Variants in TIMP2 observed in about 807,000 individuals in gnomAD.
TIMP2 encodes metalloproteinase inhibitor 2.
A neutral mutation model predicts 24.3 loss-of-function variants in TIMP2; 5 were observed. The ratio of observed to expected loss-of-function variants is 0.21; its 90% CI spans 0.11 to 0.43. The LOEUF is 0.43. TIMP2 is among the 20% of genes least tolerant of loss of function. TIMP2 has a pLI of 1.00. For missense variants in TIMP2, 221 were observed against 297.5 expected (o/e 0.74, Z 1.89); for synonymous variants, 130 against 123.2 (o/e 1.06, Z -0.37).
At chr17:78,872,354 T>G (rs1170942437) in intron 2 of TIMP2, among the ~76,000 whole-genome samples, 9 of 152,116 alleles carry the variant, frequency 5.9e-5, no homozygotes, top group Non-Finnish European at 5.9e-5. Context: ...GAGAGGCACC[T>G]CAGGAATTAG....
At chr17:78,918,065 A>ACACACACGCGC (rs1555652947) in intron 1 of TIMP2, among the ~76,000 whole-genome samples, 48,400 of 144,848 alleles carry the variant, frequency 0.33, 8,218 homozygotes, top group Middle Eastern at 0.4. Flanking sequence ...TGCACACACA[A>ACACACACGCGC]ACACACACAC....
chr17:78,883,617 G>A (rs550163344), intron 1 of TIMP2, among the ~76,000 whole-genome samples: 3 of 151,004 alleles, frequency 2.0e-5, no homozygotes, highest in Non-Finnish European at 4.4e-5. Context: ...TGCCGCCCCA[G>A]GGAATGCTCC....
intron 1 of TIMP2, chr17:78,890,895 C>T (rs1386527943): frequency 6.4e-7 from 1 of 1,550,680 alleles, no homozygotes; most frequent in South Asian, 1.2e-5. Flanking sequence ...TTTTCTAGCT[C>T]AGCTTTGTAG....
At chr17:78,870,514 C>G (rs1474363485) in intron 3 of TIMP2, among the ~76,000 whole-genome samples, 2 of 151,888 alleles carry the variant, frequency 1.3e-5, no homozygotes, top group African/African-American at 4.8e-5. Context: ...AAAAAGGAGA[C>G]AGATGAATGA....
At chr17:78,914,701 G>A (rs557709166) in intron 1 of TIMP2, among the ~76,000 whole-genome samples, 4 of 151,126 alleles carry the variant, frequency 2.6e-5, no homozygotes, top group East Asian at 1.9e-4. Context: ...TCAGCCTCCC[G>A]AGTAGGTGGG....
chr17:78,866,461 C>T (rs564871728), intron 3 of TIMP2, among the ~76,000 whole-genome samples: 33 of 151,848 alleles, frequency 2.2e-4, no homozygotes, highest in African/African-American at 4.6e-4. Context: ...CTTTGGAAAA[C>T]GGTCTGCCAG....
chr17:78,877,413 T>C (rs1045801861), intron 1 of TIMP2, among the ~76,000 whole-genome samples: 17 of 151,876 alleles, frequency 1.1e-4, no homozygotes, highest in African/African-American at 3.6e-4. Flanking sequence ...ACCCCATCTC[T>C]ACAAAAAATA....
chr17:78,864,355 C>T (rs1394232233), intron 3 of TIMP2, among the ~76,000 whole-genome samples: 1 of 151,222 alleles, frequency 6.6e-6, no homozygotes, highest in Non-Finnish European at 1.5e-5. Context: ...CCCTTCCTCC[C>T]TTCCTCCATG....
chr17:78,914,341 G>T (rs1447208025), intron 1 of TIMP2, among the ~76,000 whole-genome samples: 1 of 151,602 alleles, frequency 6.6e-6, no homozygotes, highest in Admixed American at 6.6e-5. Flanking sequence ...GGAGTACGGT[G>T]GCCCGATCTC....
rs2070331273 is a variant in TIMP2, at chr17:78,924,209, A to G, written c.130+750T>C. Among the ~76,000 whole-genome samples, 2 of 152,076 alleles carry G rather than the reference A, an allele frequency of 1.3e-5. No homozygotes were observed. Among genetic ancestry groups the G allele is most frequent in the Non-Finnish European group, 1.5e-5 (1 of 68,012 alleles). ...GGCTAGGAGTCCGGAGGTCATGGGT[A>G]TTTGCTGGGGAATCTGAGCAGCAGC... On this transcript the variant is annotated intron_variant, in intron 1 of 4. Transcript: ENST00000262768. The surrounding 1 kb of genome is among the most constrained non-coding windows in gnomAD (Gnocchi z 5.3).
In TIMP2 at chr17:78,920,052, G is replaced by A. The variant is rs11657256; in HGVS notation, c.130+4907C>T. On this transcript the variant is annotated intron_variant, in intron 1 of 4. Coordinates refer to ENST00000262768, the MANE Select transcript of TIMP2 (RefSeq NM_003255.5). This position sits in a 1 kb window ranked among gnomAD's most constrained non-coding sequence, Gnocchi z 4.5. ...CCTCGCAGCTGCCTGGGAAGCCTCG[G>A]GCAGACCTCTTTGTTGTTTCCGAAC... Among the ~76,000 whole-genome samples the A allele has an allele frequency of 0.054, 8,271 of 152,138 alleles. 328 individuals carry two copies. The highest frequency in any genetic ancestry group is 0.11 in the African/African-American group (4,614 of 41,478).
chr17:78,891,857 TGA>T lies in TIMP2; in HGVS notation c.131-17940_131-17939del. ...CTTTCTCTTCTCAGGCGGGGCCAGGTGAGAATTCATCCGACCCGTGGCTTTTG... is the reference window on the plus strand; with the variant it reads ...CTTTCTCTTCTCAGGCGGGGCCAGGTGAATTCATCCGACCCGTGGCTTTTG... On this transcript the variant is annotated intron_variant, in intron 1 of 4. Coordinates refer to ENST00000262768, the MANE Select transcript of TIMP2 (RefSeq NM_003255.5). The surrounding 1 kb of genome is among the most constrained non-coding windows in gnomAD (Gnocchi z 4.5). 1 of 1,550,028 alleles carries T rather than the reference TGA, an allele frequency of 6.5e-7. No homozygotes were observed. The highest frequency in any genetic ancestry group is 2.4e-5 in the East Asian group (1 of 40,918).
rs143218072 is a variant in TIMP2, at chr17:78,911,736, T to C, written c.130+13223A>G. 2.1e-3 allele frequency among the ~76,000 whole-genome samples: 317 copies of C among 152,118 alleles called. 2 individuals are homozygous for C. Among genetic ancestry groups the C allele is most frequent in the African/African-American group, 7.2e-3 (300 of 41,562 alleles). ...ATGAGCCACCCCACCTGGCCTCCAT[T>C]TGACTCACTCATCAAAAATTTAATC... On this transcript the variant is annotated intron_variant, in intron 1 of 4. Transcript: ENST00000262768.
chr17:78,855,328 G>A lies in TIMP2; in HGVS notation c.*339C>T. On this transcript the variant is annotated 3_prime_UTR_variant, in exon 5 of 5. Transcript: ENST00000262768. The surrounding 1 kb of genome is among the most constrained non-coding windows in gnomAD (Gnocchi z 6.0). ...TCCAGGCCCTGCCCTAACCCAGCTG[G>A]GAGATCCCTAAGTGCTGCCTGCTTG... The A allele has an allele frequency of 2.6e-6, 1 of 377,520 alleles. No individual in the cohort carries two copies. The highest frequency in any genetic ancestry group is 2.9e-5 in the South Asian group (1 of 34,212). The allele number at this position is 377,520 out of a possible 1,614,324, so 23.4% of individuals were successfully genotyped here.
rs949629340 is a variant in TIMP2 at position 78,852,983 on chromosome 17, T to C, written c.*2684A>G. On this transcript the variant is annotated 3_prime_UTR_variant, in exon 5 of 5. Coordinates refer to ENST00000262768, the MANE Select transcript of TIMP2 (RefSeq NM_003255.5). Reference sequence around the variant, plus strand: ...CACACGGAGAGAGCCCACGTTCTCTTTGATAATACTGTTTATTGTCCACGG... The same window carrying C: ...CACACGGAGAGAGCCCACGTTCTCTCTGATAATACTGTTTATTGTCCACGG... The C allele has an allele frequency of 6.6e-6, 1 of 152,596 alleles. No individual in the cohort carries two copies. The highest frequency in any genetic ancestry group is 6.5e-5 in the Admixed American group (1 of 15,286). 9.5% of individuals were successfully genotyped at this position (152,596 alleles called of 1,614,324 possible).
At chr17:78,919,780 A>T (rs913786347) in intron 1 of TIMP2, among the ~76,000 whole-genome samples, 11 of 152,106 alleles carry the variant, frequency 7.2e-5, no homozygotes, top group African/African-American at 2.7e-4. Context: ...GCTTGCAGTG[A>T]GCCAAGATAG....
At chr17:78,862,166 C>T (rs2069572360) in intron 3 of TIMP2, among the ~76,000 whole-genome samples, 4 of 152,196 alleles carry the variant, frequency 2.6e-5, no homozygotes, top group African/African-American at 7.2e-5. Context: ...GTGCCCGACT[C>T]GACACGTGAG....
intron 1 of TIMP2, among the ~76,000 whole-genome samples, chr17:78,915,814 C>T (rs2070252765): frequency 6.6e-6 from 1 of 152,218 alleles, no homozygotes; most frequent in Non-Finnish European, 1.5e-5. Context: ...TTCCACCGTG[C>T]CCGGCCTAAA....
At chr17:78,913,467 T>G (rs1216892416) in intron 1 of TIMP2, among the ~76,000 whole-genome samples, 1 of 152,174 alleles carries the variant, frequency 6.6e-6, no homozygotes, top group Non-Finnish European at 1.5e-5. Flanking sequence ...TCCCAGTGCT[T>G]TGGGAGGCCG....
Sources: allele counts gnomAD v4.1 joint callset (sites outside exome capture counted in the v4.1 genomes callset), GRCh38; gene constraint gnomAD v4.1.1; non-coding constraint Gnocchi (gnomAD v3.1); transcripts MANE v1.5; gene names NCBI Gene and HGNC (gene_info 2026-07-23, HGNC 2026-07-21).